TENT4B: variants seen among roughly 807,000 people sequenced by gnomAD.
TENT4B encodes PAP associated domain containing 5.
In TENT4B, 10 loss-of-function variants were observed where a neutral mutation model predicts 75.0. The observed-to-expected ratio is 0.13, with a 90% CI of 0.08 to 0.23. TENT4B has a LOEUF of 0.23. Ranked by LOEUF, TENT4B falls within the 10% of genes least tolerant of loss-of-function variation. The pLI is 1.00. For missense variants in TENT4B, 579 were observed against 893.8 expected (o/e 0.65, Z 4.49); for synonymous variants, 350 against 357.7 (o/e 0.98, Z 0.24).
intron 1 of TENT4B, among the ~76,000 whole-genome samples, chr16:50,167,851 T>C (rs1318129007): frequency 6.6e-6 from 1 of 152,126 alleles, no homozygotes; most frequent in East Asian, 1.9e-4. Flanking sequence ...AAGAGGGGGC[T>C]TCACCATGTT....
At chr16:50,153,183 TGGGGG>T (rs760198722), upstream of TENT4B, among the ~76,000 whole-genome samples, 16 of 21,140 alleles carry the variant, frequency 7.6e-4, 3 homozygotes, top group East Asian at 1.1e-3. Context: ...GGCGGGGCGG[TGGGGG>T]GGGGGGGCGG....
At chr16:50,192,009 G>A (rs1050943871) in intron 1 of TENT4B, among the ~76,000 whole-genome samples, 5 of 152,038 alleles carry the variant, frequency 3.3e-5, no homozygotes, top group Admixed American at 1.3e-4. Context: ...TTGAGAGGCC[G>A]AGGTGGGCAG....
At chr16:50,196,538 T>G (rs564686317) in intron 1 of TENT4B, among the ~76,000 whole-genome samples, 1 of 151,298 alleles carries the variant, frequency 6.6e-6, no homozygotes, top group South Asian at 2.1e-4. Context: ...TCCTTCATCA[T>G]GAAAGGAAGA....
intron 1 of TENT4B, among the ~76,000 whole-genome samples, chr16:50,192,105 G>C (rs2038651862): frequency 6.6e-6 from 1 of 151,978 alleles, no homozygotes; most frequent in African/African-American, 2.4e-5. Flanking sequence ...AGCCACGCAT[G>C]GTGGTAAGCA....
Position 50,229,843 on chromosome 16 carries a change from A to G in TENT4B, c.*515A>G. 3.3e-6 allele frequency: 3 copies of G among 910,164 alleles called. No homozygotes were observed. Among genetic ancestry groups the G allele is most frequent in the Non-Finnish European group, 3.9e-6 (3 of 761,380 alleles). The allele number at this position is 910,164 out of a possible 1,614,324, so 56.4% of individuals were successfully genotyped here. ...TTATTGTGTGTATATATAGAAGACC[A>G]TATAGGAGATTGATATTTGTAATAG... On this transcript the variant is annotated 3_prime_UTR_variant, in exon 12 of 12. Coordinates refer to ENST00000561678, the MANE Select transcript of TENT4B (RefSeq NM_001365324.3).
At chr16:50,214,467 C>A (rs528097966) in intron 3 of TENT4B, among the ~76,000 whole-genome samples, 200 bp downstream of exon 3, 32 of 152,134 alleles carry the variant, frequency 2.1e-4, no homozygotes, top group African/African-American at 6.7e-4. Flanking sequence ...ACCAGCCTGG[C>A]CAACATGGTA....
In TENT4B at chr16:50,229,978, T is replaced by C. The variant is rs2032226141; in HGVS notation, c.*650T>C. The C allele has an allele frequency of 3.1e-6, 3 of 955,596 alleles. No individual in the cohort carries two copies. The South Asian group carries it at 1.5e-4, about 46-fold the overall frequency. 59.2% of individuals were successfully genotyped at this position (955,596 alleles called of 1,614,324 possible). On this transcript the variant is annotated 3_prime_UTR_variant, in exon 12 of 12. Coordinates refer to ENST00000561678, the MANE Select transcript of TENT4B (RefSeq NM_001365324.3). ...CTAAATTGTCATCTTAACATCCATA[T>C]ATAGGGAAGTGATTAGTTCTATTAC...
In TENT4B at chr16:50,234,440, C is replaced by G; in HGVS notation, c.*5112C>G. 6.1e-6 allele frequency: 6 copies of G among 985,460 alleles called. No individual in the cohort carries two copies. The highest frequency in any genetic ancestry group is 7.2e-6 in the Non-Finnish European group (6 of 829,938). The allele number at this position is 985,460 out of a possible 1,614,324, so 61.0% of individuals were successfully genotyped here. A position where few individuals can be genotyped will look rare whatever the true frequency, so the allele number is the denominator to read the frequency against. On this transcript the variant is annotated 3_prime_UTR_variant, in exon 12 of 12. Transcript: ENST00000561678. ...GAGTGAAATGATGGGTTATCAGCCA[C>G]ATTCTTGGAGTTAATATTTTTCTTC... is the stretch of plus-strand genomic sequence containing the variant.
At position 50,231,569 on chromosome 16, in the gene TENT4B, G is replaced by T. The variant is rs936937490; in HGVS notation, c.*2241G>T. The T allele has an allele frequency of 3.0e-6, 3 of 985,674 alleles. No individual in the cohort carries two copies. The highest frequency in any genetic ancestry group is 3.6e-6 in the Non-Finnish European group (3 of 829,906). The allele number at this position is 985,674 out of a possible 1,614,324, so 61.1% of individuals were successfully genotyped here. A position where few individuals can be genotyped will look rare whatever the true frequency, so the allele number is the denominator to read the frequency against. On this transcript the variant is annotated 3_prime_UTR_variant, in exon 12 of 12. Coordinates refer to ENST00000561678, the MANE Select transcript of TENT4B (RefSeq NM_001365324.3). ...AGCATGTGATTATATTAAGGTGGTGGTAGCGGGAAGATAATTCTGATTCCA... is the reference window on the plus strand; with the variant it reads ...AGCATGTGATTATATTAAGGTGGTGTTAGCGGGAAGATAATTCTGATTCCA...
intron 1 of TENT4B, among the ~76,000 whole-genome samples, chr16:50,188,641 TATGAAAC>T (rs1238953299): frequency 6.6e-6 from 1 of 152,246 alleles, no homozygotes; most frequent in African/African-American, 2.4e-5. Flanking sequence ...GTCTCAATAT[TATGAAAC>T]ATTGCTTTAT....
chr16:50,222,242 C>T lies in TENT4B; in HGVS notation c.1039-64C>T, dbSNP rs577905691. The T allele has an allele frequency of 5.2e-5, 75 of 1,433,668 alleles. 3 individuals are homozygous for T. The South Asian group carries it at 9.4e-4, about 18-fold the overall frequency. 88.8% of individuals were successfully genotyped at this position (1,433,668 alleles called of 1,614,324 possible). On this transcript the variant is annotated intron_variant, in intron 5 of 11. Transcript: ENST00000561678. ...TATAATGTAAGGACCAATTTATGCC[C>T]CTCTTAATGCTTAGATCTGTTGCTG...
At chr16:50,162,387 T>C (rs2038018323) in intron 1 of TENT4B, among the ~76,000 whole-genome samples, 1 of 152,252 alleles carries the variant, frequency 6.6e-6, no homozygotes, top group Non-Finnish European at 1.5e-5. Context: ...TGCTGAACTA[T>C]TTATTTTCTA....
intron 1 of TENT4B, among the ~76,000 whole-genome samples, chr16:50,206,564 G>C (rs991464582): frequency 6.6e-6 from 1 of 152,084 alleles, no homozygotes; most frequent in South Asian, 2.1e-4. Flanking sequence ...GACATGCTGT[G>C]TCTGGGCAGG....
chr16:50,205,139 A>AC (rs900775918), intron 1 of TENT4B, among the ~76,000 whole-genome samples: 65 of 151,856 alleles, frequency 4.3e-4, no homozygotes, highest in Admixed American at 2.0e-3. Context: ...TCTTAAAATG[A>AC]CCCCCCCAGT....
chr16:50,158,166 A>C (rs2037937028), intron 1 of TENT4B, among the ~76,000 whole-genome samples: 1 of 152,114 alleles, frequency 6.6e-6, no homozygotes, highest in Non-Finnish European at 1.5e-5. Flanking sequence ...GGCCCACTGC[A>C]ACCTCCGTCT....
At chr16:50,191,512 A>G (rs1247176256) in intron 1 of TENT4B, among the ~76,000 whole-genome samples, 1 of 152,170 alleles carries the variant, frequency 6.6e-6, no homozygotes, top group Non-Finnish European at 1.5e-5. Flanking sequence ...GGGCTCAAGC[A>G]GTCCTCCTGC....
chr16:50,159,229 CCTCT>C (rs1487749771), intron 1 of TENT4B, among the ~76,000 whole-genome samples: 8 of 148,622 alleles, frequency 5.4e-5, no homozygotes, highest in African/African-American at 1.2e-4. Flanking sequence ...TCGCTCCCTC[CCTCT>C]CTCTCTCTTT....
chr16:50,175,249 C>T (rs1252056782), intron 1 of TENT4B, among the ~76,000 whole-genome samples: 1 of 152,100 alleles, frequency 6.6e-6, no homozygotes, highest in Non-Finnish European at 1.5e-5. Flanking sequence ...TCTTTTCATT[C>T]TCTTAAATAG....
intron 1 of TENT4B, among the ~76,000 whole-genome samples, chr16:50,202,404 A>G (rs1258484062): frequency 2.0e-5 from 3 of 152,240 alleles, no homozygotes; most frequent in African/African-American, 7.2e-5. Context: ...GGTTAAACAC[A>G]TCCATATTTC....
Sources: gnomAD v4.1 joint callset for allele counts (sites outside exome capture counted in the v4.1 genomes callset) on GRCh38, gnomAD v4.1.1 for gene constraint, MANE v1.5 for transcripts, NCBI Gene and HGNC (gene_info 2026-07-23, HGNC 2026-07-21) for gene names.